The following RAPGEF5 variants were observed in gnomAD, a reference collection of about 807,000 sequenced individuals.
RAPGEF5 encodes Rap guanine nucleotide exchange factor 5.
In RAPGEF5, 65 loss-of-function variants were observed where a neutral mutation model predicts 125.2. The observed-to-expected ratio is 0.52, with a 90% confidence interval of 0.43 to 0.64. The LOEUF is 0.64. Among genes scored for constraint, RAPGEF5 ranks in the 30% least tolerant of loss-of-function variants. The probability of loss-of-function intolerance (pLI) is 0.00; values close to 1 mark genes in which losing one functional copy is unlikely to be tolerated. For synonymous variants in RAPGEF5, 391 were observed against 385.9 expected (o/e 1.01, Z -0.16); for missense variants, 958 against 1,048.1 (o/e 0.91, Z 1.19).
intron 3 of RAPGEF5, among the ~76,000 whole-genome samples, chr7:22,314,875 T>C (rs761255284): frequency 5.3e-5 from 8 of 152,194 alleles, no homozygotes; most frequent in Non-Finnish European, 1.0e-4. Flanking sequence ...ACCTGTTTAC[T>C]CTCATATCTC....
At chr7:22,225,332 CTTATAA>C (rs775679174) in intron 8 of RAPGEF5, among the ~76,000 whole-genome samples, 1 of 152,132 alleles carries the variant, frequency 6.6e-6, no homozygotes, top group Non-Finnish European at 1.5e-5. Flanking sequence ...AATTCTCCAT[CTTATAA>C]TTAAAGAGAA....
intron 1 of RAPGEF5, among the ~76,000 whole-genome samples, chr7:22,337,074 G>A (rs1016711835): frequency 1.3e-5 from 2 of 152,224 alleles, no homozygotes; most frequent in African/African-American, 4.8e-5. Context: ...TGGCAATACA[G>A]AAAGAGTATA....
chr7:22,325,965 G>A (rs1017295254), intron 1 of RAPGEF5, among the ~76,000 whole-genome samples: 2 of 152,310 alleles, frequency 1.3e-5, no homozygotes, highest in Non-Finnish European at 2.9e-5. Context: ...GTGTGGGGTC[G>A]TCAACAGGAA....
At chr7:22,349,954 G>A (rs967386898) in intron 1 of RAPGEF5, among the ~76,000 whole-genome samples, 5 of 152,110 alleles carry the variant, frequency 3.3e-5, no homozygotes. Context: ...CTACCACAGT[G>A]GCATCTGTGG....
chr7:22,357,098 C>T lies in RAPGEF5; in HGVS notation c.-38G>A. 1.0e-6 allele frequency: 1 copy of T among 993,244 alleles called. No homozygotes were observed. The highest frequency in any genetic ancestry group is 1.2e-6 in the Non-Finnish European group (1 of 828,532). 61.5% of individuals were successfully genotyped at this position (993,244 alleles called of 1,614,324 possible). The stretch of plus-strand genomic sequence containing the variant: ...CTGCGGCGCCGGGGGCTCCTCTCCA[C>T]CGCGCTCGCCTCCGCGCGCCGTCCG... On this transcript the variant is annotated 5_prime_UTR_variant, in exon 1 of 26. In the 5' UTR this introduces an upstream ATG that the reference lacks. Coordinates refer to ENST00000665637, the MANE Select transcript of RAPGEF5 (RefSeq NM_012294.5).
At chr7:22,154,668 A>C (rs1783743656) in intron 16 of RAPGEF5, 64 bp from the exon 17 acceptor site, 2 of 1,544,736 alleles carry the variant, frequency 1.3e-6, no homozygotes, top group African/African-American at 2.8e-5. Flanking sequence ...AGACTTTTCC[A>C]AATCAAGGCA....
At position 22,118,374 on chromosome 7, in the gene RAPGEF5, AG is replaced by A. The variant is rs1782466714; in HGVS notation, c.*4031del. ...AAAATTGAAAATACAAGATAAGGTA[AG>A]GGTTACTTATATAAGTTTTAACCTT... On this transcript the variant is annotated 3_prime_UTR_variant, in exon 26 of 26. Coordinates refer to ENST00000665637, the MANE Select transcript of RAPGEF5 (RefSeq NM_012294.5). 2.6e-5 allele frequency: 4 copies of A among 152,622 alleles called. No individual in the cohort carries two copies. The highest frequency in any genetic ancestry group is 9.7e-5 in the African/African-American group (4 of 41,440). 9.5% of individuals were successfully genotyped at this position (152,622 alleles called of 1,614,324 possible).
chr7:22,127,125 A>C (rs1463780155), intron 24 of RAPGEF5, among the ~76,000 whole-genome samples: 1 of 132,538 alleles, frequency 7.5e-6, no homozygotes, highest in Non-Finnish European at 1.6e-5. Flanking sequence ...TGCACCCTCT[A>C]CTCCCCAGGT....
rs1349354099 is a variant in RAPGEF5 at position 22,121,456 on chromosome 7, T to C, written c.*950A>G. ...TGCACTGGCTGCTGTCATTCCATAG[T>C]GTGGGCAAGGAGCCTGTATGAGGTA... On this transcript the variant is annotated 3_prime_UTR_variant, in exon 26 of 26. Transcript: ENST00000665637. The C allele has an allele frequency of 6.6e-6, 1 of 152,180 alleles. No individual in the cohort carries two copies. The highest frequency in any genetic ancestry group is 1.5e-5 in the Non-Finnish European group (1 of 68,030). The allele number at this position is 152,180 out of a possible 1,614,324, so 9.4% of individuals were successfully genotyped here. A position where few individuals can be genotyped will look rare whatever the true frequency, so the allele number is the denominator to read the frequency against.
rs371224758 is a variant in RAPGEF5, at chr7:22,148,331, A to G, written c.1885-1312T>C. On this transcript the variant is annotated intron_variant, in intron 18 of 25. Coordinates refer to ENST00000665637, the MANE Select transcript of RAPGEF5 (RefSeq NM_012294.5). ...TTCTCCCTAATTGGGTCCCTTACCC[A>G]ACTCGAGTTATTAACTCTATTTATT... Among the ~76,000 whole-genome samples the G allele has an allele frequency of 5.9e-5, 9 of 152,336 alleles. No homozygotes were observed. In the East Asian group the frequency reaches 1.3e-3, roughly 23 times the overall value.
At chr7:22,247,482 T>A (rs1786507167) in intron 7 of RAPGEF5, among the ~76,000 whole-genome samples, 1 of 152,094 alleles carries the variant, frequency 6.6e-6, no homozygotes, top group African/African-American at 2.4e-5. Context: ...AGAGATCTGA[T>A]GGTTTTATAA....
At chr7:22,308,660 C>T (rs1472862045) in intron 4 of RAPGEF5, among the ~76,000 whole-genome samples, 153 bp from the exon 5 acceptor site, 1 of 152,072 alleles carries the variant, frequency 6.6e-6, no homozygotes. Context: ...TTTATAATCC[C>T]ATTGAATTGG....
intron 24 of RAPGEF5, 61 bp from the exon 25 acceptor site, chr7:22,125,719 C>T: frequency 6.9e-7 from 1 of 1,455,184 alleles, no homozygotes; most frequent in Non-Finnish European, 9.7e-7. Flanking sequence ...ACTGAAGAAG[C>T]AGTGCCTGCT....
rs770549823 is a variant in RAPGEF5, at chr7:22,156,892, T to C, written c.1558-4A>G. On this transcript the variant is annotated splice_region_variant and splice_polypyrimidine_tract_variant and intron_variant, in intron 15 of 25. Coordinates refer to ENST00000665637, the MANE Select transcript of RAPGEF5 (RefSeq NM_012294.5). ...ATTGGTGGAAAAGGGCTTTATTCTG[T>C]GAGATGGGAGAAAGAGAACAATGAA... 2 of 1,613,756 alleles carry C rather than the reference T, an allele frequency of 1.2e-6. No homozygotes were observed. The highest frequency in any genetic ancestry group is 1.7e-6 in the Non-Finnish European group (2 of 1,179,804).
intron 24 of RAPGEF5, among the ~76,000 whole-genome samples, chr7:22,126,882 C>T (rs1057393633): frequency 4.6e-5 from 7 of 152,102 alleles, no homozygotes; most frequent in African/African-American, 1.4e-4. Flanking sequence ...ATTGGCCTCC[C>T]AGAATGCTGA....
intron 3 of RAPGEF5, among the ~76,000 whole-genome samples, chr7:22,313,277 C>T (rs567572163): frequency 2.6e-5 from 4 of 152,222 alleles, no homozygotes; most frequent in South Asian, 2.1e-4. Context: ...ATTTTAGTGA[C>T]GTATTCATGC....
chr7:22,210,547 C>A (rs1411164844), intron 9 of RAPGEF5, among the ~76,000 whole-genome samples: 1 of 152,160 alleles, frequency 6.6e-6, no homozygotes, highest in African/African-American at 2.4e-5. Flanking sequence ...TGAATCCATA[C>A]CTCCAAGCCA....
chr7:22,261,240 G>GA (rs914320224), intron 7 of RAPGEF5, among the ~76,000 whole-genome samples: 6 of 151,228 alleles, frequency 4.0e-5, no homozygotes, highest in South Asian at 2.1e-4. Context: ...ATTTACAATG[G>GA]AAAAAAAACT....
At chr7:22,206,895 AAT>A (rs1785410382) in intron 9 of RAPGEF5, among the ~76,000 whole-genome samples, 1 of 152,182 alleles carries the variant, frequency 6.6e-6, no homozygotes, top group Admixed American at 6.5e-5. Flanking sequence ...ATATGCAACA[AAT>A]ATGACAAAAT....
Sources: allele counts gnomAD v4.1 joint callset (sites outside exome capture counted in the v4.1 genomes callset), GRCh38; gene constraint gnomAD v4.1.1; transcripts MANE v1.5; gene names NCBI Gene and HGNC (gene_info 2026-07-23, HGNC 2026-07-21).